MORC1: variants seen among roughly 807,000 people sequenced by gnomAD.
MORC1 encodes the protein MORC family CW-type zinc finger protein 1.
MORC1 carries 59 observed loss-of-function variants against 134.9 expected under a neutral mutation model. That is an observed-to-expected ratio of 0.44 (90% CI 0.35 to 0.54). MORC1 has a LOEUF of 0.54. Ranked by LOEUF, MORC1 falls within the 20% of genes least tolerant of loss-of-function variation. The pLI is 0.00. For synonymous variants in MORC1, 395 were observed against 391.7 expected (o/e 1.01, Z -0.10); for missense variants, 947 against 1,134.5 (o/e 0.83, Z 2.37).
chr3:108,983,935 G>C (rs927297065), intron 23 of MORC1, among the ~76,000 whole-genome samples: 2 of 152,188 alleles, frequency 1.3e-5, no homozygotes, highest in African/African-American at 4.8e-5. Flanking sequence ...GGGGCTAAAA[G>C]TAGAGGCATG....
At chr3:109,114,765 G>A (rs943862363) in intron 1 of MORC1, among the ~76,000 whole-genome samples, 4 of 152,134 alleles carry the variant, frequency 2.6e-5, no homozygotes, top group South Asian at 2.1e-4. Context: ...TTTCCCAGAG[G>A]ATTTTTCATT....
rs116233259 is a variant in MORC1 at position 108,998,059 on chromosome 3, T to A, written c.2187+2498A>T. ...TAGTATTATAGTTGCATTGGTAACA[T>A]CATCTCTGTCATGTCTCTTGGGGAG... On this transcript the variant is annotated intron_variant, in intron 21 of 27. Transcript: ENST00000232603. 5.1e-3 allele frequency among the ~76,000 whole-genome samples: 778 copies of A among 152,312 alleles called. 18 individuals are homozygous for A. The highest frequency in any genetic ancestry group is 0.018 in the African/African-American group (748 of 41,564).
rs944252916 is a variant in MORC1, at chr3:108,973,548, A to AT, written c.2478-2147dup. On this transcript the variant is annotated intron_variant, in intron 24 of 27. Coordinates refer to ENST00000232603, the MANE Select transcript of MORC1 (RefSeq NM_014429.4). ...ACCAAAAAGTTGGTCAGATTCAAGT[A>AT]TTTTTTCTTGGTGTTTTTTTGTTCG... Among the ~76,000 whole-genome samples the AT allele has an allele frequency of 3.1e-5, 4 of 130,168 alleles. 1 individual carries two copies. The East Asian group carries it at 7.0e-4, about 23-fold the overall frequency. The allele number at this position is 130,168 out of a possible 152,430, so 85.4% of individuals were successfully genotyped here. A position where few individuals can be genotyped will look rare whatever the true frequency, so the allele number is the denominator to read the frequency against.
chr3:109,024,724 T>G (rs1040548235), intron 17 of MORC1, among the ~76,000 whole-genome samples: 1 of 152,162 alleles, frequency 6.6e-6, no homozygotes, highest in African/African-American at 2.4e-5. Context: ...ATGGCATATA[T>G]TGTATGATTC....
At chr3:108,999,032 T>C (rs1021790505) in intron 21 of MORC1, among the ~76,000 whole-genome samples, 1 of 152,212 alleles carries the variant, frequency 6.6e-6, no homozygotes, top group Admixed American at 6.5e-5. Context: ...AAGCAAGTGG[T>C]GAACAGTAAT....
intron 15 of MORC1, 67 bp downstream of exon 15, chr3:109,035,273 T>C (rs1949347499): frequency 1.4e-6 from 2 of 1,427,942 alleles, no homozygotes; most frequent in Non-Finnish European, 1.9e-6. Context: ...CCTCATTTCT[T>C]AACACAATGA....
intron 17 of MORC1, among the ~76,000 whole-genome samples, chr3:109,020,156 CAA>C (rs1436851886): frequency 6.6e-6 from 1 of 152,092 alleles, no homozygotes; most frequent in Non-Finnish European, 1.5e-5. Context: ...TCAAACAAAA[CAA>C]AACAAAACAA....
chr3:109,010,229 G>A (rs1170836365), intron 17 of MORC1, among the ~76,000 whole-genome samples: 2 of 152,056 alleles, frequency 1.3e-5, no homozygotes, highest in Non-Finnish European at 2.9e-5. Context: ...TTGGCCCATA[G>A]GTAATAGTTG....
At chr3:108,961,494 C>T (rs1947078137) in intron 27 of MORC1, among the ~76,000 whole-genome samples, 1 of 152,068 alleles carries the variant, frequency 6.6e-6, no homozygotes, top group African/African-American at 2.4e-5. Context: ...TACATTATTT[C>T]CACACTCGGC....
intron 14 of MORC1, among the ~76,000 whole-genome samples, chr3:109,035,813 T>G (rs1304106209): frequency 2.0e-5 from 3 of 152,226 alleles, no homozygotes; most frequent in Non-Finnish European, 4.4e-5. Context: ...CAGGAAAGAC[T>G]GTACTGATTA....
intron 21 of MORC1, among the ~76,000 whole-genome samples, chr3:108,996,574 CT>C (rs1346841398): frequency 6.6e-6 from 1 of 152,152 alleles, no homozygotes; most frequent in Non-Finnish European, 1.5e-5. Flanking sequence ...CAGAAAATGC[CT>C]GGAGCTTTAA....
At chr3:109,116,634 G>A (rs1951280572) in intron 1 of MORC1, among the ~76,000 whole-genome samples, 2 of 152,122 alleles carry the variant, frequency 1.3e-5, no homozygotes, top group African/African-American at 4.8e-5. Context: ...AAAAGAATTA[G>A]CCGGGCATAG....
In MORC1 at chr3:108,963,571, A is replaced by G. The variant is rs958685037; in HGVS notation, c.2642T>C (p.Ile881Thr). 1.3e-6 allele frequency: 2 copies of G among 1,566,058 alleles called. No individual in the cohort carries two copies. The highest frequency in any genetic ancestry group is 2.4e-5 in the South Asian group (2 of 84,780). ...GATAATGGACTGCAATTTCCTCTTT[A>G]TTTTTTTTTCATATTGGACCATGTA... ...NTYMVQYEKKIKRKLQSIIYD... is the reference protein window; with the variant it reads ...NTYMVQYEKKTKRKLQSIIYD... Residue 881 changes from isoleucine (I) to threonine (T), a missense_variant, in exon 27 of 28, where the codon ATA (isoleucine) becomes ACA (threonine). Ile to Thr is a moderately conservative substitution (Grantham distance 89). Transcript: ENST00000232603.
chr3:109,099,243 T>C (rs1229456177), intron 6 of MORC1, 115 bp downstream of exon 6: 2 of 704,450 alleles, frequency 2.8e-6, no homozygotes, highest in Admixed American at 6.6e-5. Flanking sequence ...CCCAAACATA[T>C]TCCTAAGTTT....
intron 17 of MORC1, among the ~76,000 whole-genome samples, chr3:109,009,986 A>AAGAAATT (rs1948645305): frequency 6.6e-6 from 1 of 152,132 alleles, no homozygotes; most frequent in Non-Finnish European, 1.5e-5. Flanking sequence ...AACTAATTGT[A>AAGAAATT]AGCAATTCTT....
At position 108,985,483 on chromosome 3, in the gene MORC1, C is replaced by T. The variant is rs558726761; in HGVS notation, c.2258-701G>A. On this transcript the variant is annotated intron_variant, in intron 22 of 27. Transcript: ENST00000232603. ...CCAAGAAGTTTAGGGTTATTGAAGG[C>T]TAAGTAGAAGAGGACATCAACAAGC... Among the ~76,000 whole-genome samples the T allele has an allele frequency of 6.7e-4, 102 of 152,260 alleles. No individual in the cohort carries two copies. The South Asian group carries it at 7.5e-3, about 11-fold the overall frequency.
At chr3:109,115,704 G>A (rs568930037) in intron 1 of MORC1, among the ~76,000 whole-genome samples, 61 of 152,298 alleles carry the variant, frequency 4.0e-4, no homozygotes, top group African/African-American at 1.1e-3. Flanking sequence ...TTCTGCACTA[G>A]CTCATTCAAG....
At chr3:109,090,317 T>C (rs1950691379) in intron 8 of MORC1, among the ~76,000 whole-genome samples, 1 of 152,016 alleles carries the variant, frequency 6.6e-6, no homozygotes, top group African/African-American at 2.4e-5. Flanking sequence ...TTGAATCCTA[T>C]GTTTAAAACT....
chr3:109,028,913 G>C (rs1949162758), intron 16 of MORC1, among the ~76,000 whole-genome samples: 1 of 152,034 alleles, frequency 6.6e-6, no homozygotes, highest in South Asian at 2.1e-4. Context: ...TTATTGATTA[G>C]GGGTAGGGAG....
Sources: gnomAD v4.1 joint callset for allele counts (sites outside exome capture counted in the v4.1 genomes callset) on GRCh38, gnomAD v4.1.1 for gene constraint, MANE v1.5 for transcripts, NCBI Gene and HGNC (gene_info 2026-07-23, HGNC 2026-07-21) for gene names.